Variants in AVL9 observed in about 807,000 individuals in gnomAD.
AVL9 encodes the protein AVL9 cell migration associated, also known as late secretory pathway protein AVL9 homolog.
In AVL9, 49 loss-of-function variants were observed where a neutral mutation model predicts 79.2. The ratio of observed to expected loss-of-function variants is 0.62; its 90% CI spans 0.49 to 0.79. AVL9 has a LOEUF of 0.79. AVL9 is among the 30% of genes least tolerant of loss of function. AVL9 has a pLI of 0.00. For missense variants in AVL9, 682 were observed against 776.8 expected (o/e 0.88, Z 1.45); for synonymous variants, 299 against 280.6 (o/e 1.07, Z -0.65).
At chr7:32,542,539 G>A (rs1307179908) in intron 1 of AVL9, among the ~76,000 whole-genome samples, 4 of 152,140 alleles carry the variant, frequency 2.6e-5, no homozygotes, top group Non-Finnish European at 5.9e-5. Flanking sequence ...CTGGCTGACA[G>A]AGTGAGACTG....
At chr7:32,539,653 T>G (rs575419648) in intron 1 of AVL9, among the ~76,000 whole-genome samples, 1 of 152,342 alleles carries the variant, frequency 6.6e-6, no homozygotes, top group African/African-American at 2.4e-5. Context: ...AGTTTTCTCT[T>G]GCTGCTGAAA....
intron 13 of AVL9, among the ~76,000 whole-genome samples, chr7:32,579,445 A>AC: frequency 1.5e-4 from 1 of 6,556 alleles, no homozygotes; most frequent in African/African-American, 1.1e-3. Flanking sequence ...TATTATATAT[A>AC]ATATATTATA....
At chr7:32,500,721 TG>T (rs1397439799) in intron 1 of AVL9, among the ~76,000 whole-genome samples, 2 of 152,204 alleles carry the variant, frequency 1.3e-5, no homozygotes, top group East Asian at 3.8e-4. Context: ...GGTTTTCTTC[TG>T]GGGTTTTTAT....
At chr7:32,556,892 A>T (rs1320185590) in intron 8 of AVL9, among the ~76,000 whole-genome samples, 1 of 152,220 alleles carries the variant, frequency 6.6e-6, no homozygotes, top group Non-Finnish European at 1.5e-5. Flanking sequence ...CAGCTTCCTG[A>T]GTAGCTGGGA....
At position 32,568,155 on chromosome 7, in the gene AVL9, G is replaced by A. The variant is rs116259117; in HGVS notation, c.1216-1865G>A. The stretch of plus-strand genomic sequence containing the variant: ...GCTGGGATTACAAGTGTGAGTCATC[G>A]CGCCCAGCCCGCTTATTCTTTTTTT... On this transcript the variant is annotated intron_variant, in intron 10 of 15. Coordinates refer to ENST00000318709, the MANE Select transcript of AVL9 (RefSeq NM_015060.3). 2.3e-3 allele frequency among the ~76,000 whole-genome samples: 355 copies of A among 151,880 alleles called. 1 individual carries two copies. Among genetic ancestry groups the A allele is most frequent in the African/African-American group, 8.2e-3 (341 of 41,452 alleles).
chr7:32,499,417 G>A (rs987815176), intron 1 of AVL9, among the ~76,000 whole-genome samples: 4 of 151,568 alleles, frequency 2.6e-5, no homozygotes, highest in Non-Finnish European at 5.9e-5. Context: ...AAAGGGAATA[G>A]GTTATTTTCC....
intron 10 of AVL9, chr7:32,559,862 G>C (rs1790254738): frequency 6.3e-6 from 1 of 158,094 alleles, no homozygotes; most frequent in African/African-American, 2.4e-5. Flanking sequence ...CGAGTCTCAG[G>C]AATTTTTTTG....
intron 1 of AVL9, among the ~76,000 whole-genome samples, chr7:32,521,044 T>C (rs2128123749): frequency 6.6e-6 from 1 of 152,286 alleles, no homozygotes; most frequent in African/African-American, 2.4e-5. Flanking sequence ...TAATTGCCTT[T>C]AGCCTCCCAT....
intron 11 of AVL9, among the ~76,000 whole-genome samples, chr7:32,570,820 C>T (rs1790802873): frequency 6.6e-6 from 1 of 151,074 alleles, no homozygotes; most frequent in Non-Finnish European, 1.5e-5. Flanking sequence ...GGGGTTTCAC[C>T]ATGTTGGCCA....
chr7:32,561,567 A>G (rs973503811), intron 10 of AVL9, among the ~76,000 whole-genome samples: 15 of 152,190 alleles, frequency 9.9e-5, no homozygotes, highest in Admixed American at 9.2e-4. Context: ...TATCCAGACC[A>G]CTCAAACTTT....
At chr7:32,574,972 A>G (rs889658595) in intron 12 of AVL9, among the ~76,000 whole-genome samples, 10 of 152,216 alleles carry the variant, frequency 6.6e-5, no homozygotes, top group African/African-American at 2.4e-4. Flanking sequence ...AGCCATTTGT[A>G]TCAGTTCTCC....
chr7:32,565,942 A>C, intron 10 of AVL9, among the ~76,000 whole-genome samples: 1 of 147,298 alleles, frequency 6.8e-6, no homozygotes, highest in East Asian at 2.2e-4. Context: ...CGGGAGGCGG[A>C]GGTTGCAGTG....
At chr7:32,503,373 T>TACACACACACACAC (rs1185553909) in intron 1 of AVL9, among the ~76,000 whole-genome samples, 5 of 105,804 alleles carry the variant, frequency 4.7e-5, no homozygotes, top group African/African-American at 1.8e-4. Context: ...TATATATATA[T>TACACACACACACAC]ACACACACAC....
chr7:32,513,644 C>G (rs1478534096), intron 1 of AVL9, among the ~76,000 whole-genome samples: 1 of 152,220 alleles, frequency 6.6e-6, no homozygotes, highest in African/African-American at 2.4e-5. Context: ...GTGGGTATTT[C>G]TCGCAAGGTG....
chr7:32,527,352 T>C (rs1325628494), intron 1 of AVL9, among the ~76,000 whole-genome samples: 1 of 152,236 alleles, frequency 6.6e-6, no homozygotes, highest in Non-Finnish European at 1.5e-5. Flanking sequence ...GCTGGGTTAA[T>C]ACCCTCAGTT....
intron 1 of AVL9, among the ~76,000 whole-genome samples, chr7:32,510,406 TG>T (rs1481204415): frequency 3.3e-5 from 5 of 149,458 alleles, no homozygotes; most frequent in Non-Finnish European, 4.5e-5. Context: ...CCGTCATGTC[TG>T]GCTGTGGGAG....
chr7:32,572,506 T>C (rs369845561), intron 11 of AVL9, among the ~76,000 whole-genome samples: 4 of 149,988 alleles, frequency 2.7e-5, no homozygotes, highest in Admixed American at 6.6e-5. Flanking sequence ...CATAATAAGA[T>C]ATTCTAAAGT....
intron 1 of AVL9, among the ~76,000 whole-genome samples, chr7:32,528,367 C>G (rs1424570895): frequency 6.6e-6 from 1 of 152,220 alleles, no homozygotes; most frequent in African/African-American, 2.4e-5. Flanking sequence ...CATCCTTAAC[C>G]TTGCAAAATA....
Position 32,506,348 on chromosome 7 carries a change from A to T in AVL9, c.93+10546A>T, listed in dbSNP as rs568570891. Among the ~76,000 whole-genome samples, 9 of 152,296 alleles carry T rather than the reference A, an allele frequency of 5.9e-5. 1 individual carries two copies. The South Asian group carries it at 1.9e-3, about 32-fold the overall frequency. Reference sequence around the variant, plus strand: ...TGGGGTCATTATTAAGTAAAATAAGAATTACTCAAACACAAGCATCTTGAT... The same window carrying T: ...TGGGGTCATTATTAAGTAAAATAAGTATTACTCAAACACAAGCATCTTGAT... On this transcript the variant is annotated intron_variant, in intron 1 of 15. Transcript: ENST00000318709.
Sources: gnomAD v4.1 joint callset for allele counts (sites outside exome capture counted in the v4.1 genomes callset) on GRCh38, gnomAD v4.1.1 for gene constraint, MANE v1.5 for transcripts, NCBI Gene and HGNC (gene_info 2026-07-23, HGNC 2026-07-21) for gene names.